Variants in ADARB2 observed in about 807,000 individuals in gnomAD.
The protein encoded by ADARB2 is adenosine deaminase RNA specific B2 (inactive).
In ADARB2, 25 loss-of-function variants were observed where a neutral mutation model predicts 62.2. That is an observed-to-expected ratio of 0.40 (90% CI 0.29 to 0.56). ADARB2 has a LOEUF of 0.56. Among genes scored for constraint, ADARB2 ranks in the 20% least tolerant of loss-of-function variants. ADARB2 has a pLI of 0.43. For missense variants in ADARB2, 1,071 were observed against 1,077.4 expected, an observed-to-expected ratio of 0.99 and a Z score of 0.08; for synonymous variants, 572 against 500.8, an observed-to-expected ratio of 1.14 and a Z score of -1.90.
Position 1,398,005 on chromosome 10 carries a change from C to A in ADARB2, c.101-18845G>T, listed in dbSNP as rs1832629954. 1.7e-5 allele frequency among the ~76,000 whole-genome samples: 2 copies of A among 116,136 alleles called. No homozygotes were observed. Among genetic ancestry groups the A allele is most frequent in the Admixed American group, 8.6e-5 (1 of 11,630 alleles). The allele number at this position is 116,136 out of a possible 152,430, so 76.2% of individuals were successfully genotyped here. On this transcript the variant is annotated intron_variant, in intron 1 of 9. Coordinates refer to ENST00000381312, the MANE Select transcript of ADARB2 (RefSeq NM_018702.4). This position sits in a 1 kb window ranked among gnomAD's most constrained non-coding sequence, Gnocchi z 4.1. Reference sequence around the variant, plus strand: ...AGTGCAGGCTTCCTGGGTCACCGTCCTCCTCTCCCCTCCCGAGTGCAGGCT... The same window carrying A: ...AGTGCAGGCTTCCTGGGTCACCGTCATCCTCTCCCCTCCCGAGTGCAGGCT...
intron 1 of ADARB2, among the ~76,000 whole-genome samples, chr10:1,532,697 T>C (rs894454965): frequency 6.6e-6 from 1 of 152,158 alleles, no homozygotes; most frequent in Non-Finnish European, 1.5e-5. Context: ...GCCGTGATGA[T>C]CAGAAACATT....
intron 1 of ADARB2, among the ~76,000 whole-genome samples, chr10:1,428,291 TA>T (rs1230330083): frequency 5.2e-5 from 7 of 135,608 alleles, no homozygotes; most frequent in African/African-American, 2.0e-4. Flanking sequence ...TTTTTATGCC[TA>T]TTTTTTTTTT....
chr10:1,529,776 G>A (rs1208787765), intron 1 of ADARB2, among the ~76,000 whole-genome samples: 1 of 152,226 alleles, frequency 6.6e-6, no homozygotes, highest in Non-Finnish European at 1.5e-5. Context: ...GCTGCATGTA[G>A]AGGGCAGAGT....
At chr10:1,354,941 T>C (rs576227291) in intron 3 of ADARB2, among the ~76,000 whole-genome samples, 115 of 152,220 alleles carry the variant, frequency 7.6e-4, no homozygotes, top group African/African-American at 2.6e-3. Context: ...TCCATGGAGG[T>C]ACCCAAGGCG....
chr10:1,266,038 G>A (rs1392977703), intron 4 of ADARB2, among the ~76,000 whole-genome samples: 6 of 136,568 alleles, frequency 4.4e-5, no homozygotes, highest in Non-Finnish European at 9.5e-5. Context: ...AGGGTCCCCC[G>A]GAAGACGGCC....
intron 1 of ADARB2, among the ~76,000 whole-genome samples, chr10:1,688,589 C>G (rs1320511194): frequency 6.6e-6 from 1 of 152,154 alleles, no homozygotes; most frequent in Non-Finnish European, 1.5e-5. Flanking sequence ...CCAGCGGGGT[C>G]CCTCCCCGCC....
intron 1 of ADARB2, among the ~76,000 whole-genome samples, chr10:1,577,443 G>C (rs186042053): frequency 1.3e-5 from 2 of 152,222 alleles, no homozygotes; most frequent in East Asian, 3.8e-4. Flanking sequence ...CACAGAAGGT[G>C]GATGTTGTTT....
intron 3 of ADARB2, among the ~76,000 whole-genome samples, chr10:1,298,327 C>T (rs1831541558): frequency 6.6e-6 from 1 of 152,084 alleles, no homozygotes; most frequent in South Asian, 2.1e-4. Context: ...GTTTTTTTGC[C>T]AAGGAAGGTT....
At position 1,515,548 on chromosome 10, in the gene ADARB2, C is replaced by T. The variant is rs557904302; in HGVS notation, c.101-136388G>A. On this transcript the variant is annotated intron_variant, in intron 1 of 9. Coordinates refer to ENST00000381312, the MANE Select transcript of ADARB2 (RefSeq NM_018702.4). The stretch of plus-strand genomic sequence containing the variant: ...AGGTCAGTTCTGGAGAAGCTGAAGG[C>T]GTGGGAAAACCCGCCAGCCTTGGGA... Among the ~76,000 whole-genome samples, 67 of 152,328 alleles carry T rather than the reference C, an allele frequency of 4.4e-4. 3 individuals carry two copies. Among genetic ancestry groups the T allele is most frequent in the East Asian group, 1.9e-4 (1 of 5,180 alleles).
intron 1 of ADARB2, among the ~76,000 whole-genome samples, chr10:1,666,891 A>T (rs1474090968): frequency 6.6e-6 from 1 of 152,222 alleles, no homozygotes; most frequent in Non-Finnish European, 1.5e-5. Context: ...AGGGTTTTGT[A>T]GACCCATTTG....
Position 1,398,266 on chromosome 10 carries a change from G to C in ADARB2, c.101-19106C>G, listed in dbSNP as rs1392770204. 1.3e-5 allele frequency among the ~76,000 whole-genome samples: 2 copies of C among 152,184 alleles called. No individual in the cohort carries two copies. Among genetic ancestry groups the C allele is most frequent in the Non-Finnish European group, 2.9e-5 (2 of 68,046 alleles). On this transcript the variant is annotated intron_variant, in intron 1 of 9. Coordinates refer to ENST00000381312, the MANE Select transcript of ADARB2 (RefSeq NM_018702.4). The surrounding 1 kb of genome is among the most constrained non-coding windows in gnomAD (Gnocchi z 4.1). ...GGTCACCGTCCGTCTCTCCCCTCCCGAGTGCAGGCTTCCTGGGGCAGGGCT... is the reference window on the plus strand; with the variant it reads ...GGTCACCGTCCGTCTCTCCCCTCCCCAGTGCAGGCTTCCTGGGGCAGGGCT...
In ADARB2 at chr10:1,469,101, T is replaced by C. The variant is rs575323145; in HGVS notation, c.101-89941A>G. Among the ~76,000 whole-genome samples the C allele has an allele frequency of 1.4e-3, 216 of 152,300 alleles. 1 individual carries two copies. Among genetic ancestry groups the C allele is most frequent in the African/African-American group, 5.0e-3 (206 of 41,570 alleles). ...TGGAAACGGCCCCCAGATGCATCCA[T>C]TTCTTCTCTTTCTGCATAAAGTGCT... On this transcript the variant is annotated intron_variant, in intron 1 of 9. Transcript: ENST00000381312.
At chr10:1,482,922 A>G (rs1831491212) in intron 1 of ADARB2, among the ~76,000 whole-genome samples, 1 of 152,186 alleles carries the variant, frequency 6.6e-6, no homozygotes, top group Non-Finnish European at 1.5e-5. Context: ...CTTGGGCTGC[A>G]AGGAAGCCCC....
intron 1 of ADARB2, among the ~76,000 whole-genome samples, chr10:1,511,810 G>A (rs551291786): frequency 1.3e-5 from 2 of 148,500 alleles, no homozygotes; most frequent in African/African-American, 5.0e-5. Context: ...ACACCAAGAC[G>A]TCAATGCTGT....
chr10:1,208,274 T>C (rs530583673), intron 7 of ADARB2, among the ~76,000 whole-genome samples: 59 of 152,338 alleles, frequency 3.9e-4, no homozygotes, highest in Non-Finnish European at 8.2e-4. Flanking sequence ...ACAACCACAG[T>C]GGGGTGGCTT....
intron 1 of ADARB2, among the ~76,000 whole-genome samples, chr10:1,728,866 T>G (rs1031418449): frequency 5.9e-5 from 9 of 152,234 alleles, no homozygotes; most frequent in Admixed American, 3.3e-4. Flanking sequence ...GCTTTTGCTC[T>G]CAGTTCAGTA....
At chr10:1,408,634 C>G (rs969972670) in intron 1 of ADARB2, among the ~76,000 whole-genome samples, 16 of 152,120 alleles carry the variant, frequency 1.1e-4, no homozygotes, top group African/African-American at 3.9e-4. Context: ...TGCTGCCCGT[C>G]GGAAACCAGA....
intron 4 of ADARB2, among the ~76,000 whole-genome samples, chr10:1,256,299 A>C (rs1831078835): frequency 6.6e-6 from 1 of 152,132 alleles, no homozygotes; most frequent in Non-Finnish European, 1.5e-5. Context: ...CAGCAGCAAA[A>C]TCCTGACCAA....
chr10:1,296,580 C>A (rs1309451249), intron 3 of ADARB2, among the ~76,000 whole-genome samples: 1 of 152,084 alleles, frequency 6.6e-6, no homozygotes, highest in East Asian at 1.9e-4. Context: ...GCCAAGTGCT[C>A]CATCACAAAC....
Sources: gnomAD v4.1 joint callset for allele counts (sites outside exome capture counted in the v4.1 genomes callset) on GRCh38, gnomAD v4.1.1 for gene constraint, Gnocchi (gnomAD v3.1) non-coding constraint, MANE v1.5 for transcripts, NCBI Gene and HGNC (gene_info 2026-07-23, HGNC 2026-07-21) for gene names.